Variants in XPO5 observed in about 807,000 individuals in gnomAD.
XPO5 encodes the protein exportin 5.
Under a neutral mutation model 160.6 loss-of-function variants are expected in XPO5, and 46 were observed. The ratio of observed to expected loss-of-function variants is 0.29; its 90% CI spans 0.23 to 0.37. The LOEUF is 0.37. Ranked by LOEUF, XPO5 falls within the 10% of genes least tolerant of loss-of-function variation. The probability of loss-of-function intolerance (pLI) is 1.00; values close to 1 mark genes in which losing one functional copy is unlikely to be tolerated. For synonymous variants in XPO5, 537 were observed against 519.3 expected, an observed-to-expected ratio of 1.03 and a Z score of -0.46; for missense variants, 1,090 against 1,463.9, an observed-to-expected ratio of 0.74 and a Z score of 4.17.
At chr6:43,547,387 G>C in intron 19 of XPO5, 1 of 628,310 alleles carries the variant, frequency 1.6e-6, no homozygotes, top group Non-Finnish European at 2.9e-6. Flanking sequence ...GATCCTTAAA[G>C]CCAAAATAAT....
chr6:43,539,405 G>A, intron 20 of XPO5: 3 of 1,572,656 alleles, frequency 1.9e-6, no homozygotes, highest in Non-Finnish European at 1.7e-6. Flanking sequence ...CTTGAGAGAG[G>A]CCCCCAGGAA....
At chr6:43,544,082 A>T (rs887675636) in intron 20 of XPO5, 1 of 152,658 alleles carries the variant, frequency 6.6e-6, no homozygotes, top group African/African-American at 2.4e-5. Context: ...ATGCCTTTTG[A>T]TTGATTTTTG....
Position 43,531,565 on chromosome 6 carries a change from T to C in XPO5, c.2454A>G (p.Gln818=), listed in dbSNP as rs892603665. The change falls in exon 22 of 32, where the codon CAA becomes CAG. Residue 818 remains glutamine, a synonymous_variant. Transcript: ENST00000265351. ...GAGAGTCATTGAGTTCCAAGAGAGG[T>C]TGAGGTAATCCTACAGGGAAATACG... ...AEKSAILGLP[Q]PLLELNDSPV... 15 of 1,613,512 alleles carry C rather than the reference T, an allele frequency of 9.3e-6. No homozygotes were observed. The highest frequency in any genetic ancestry group is 1.3e-5 in the African/African-American group (1 of 74,848).
chr6:43,561,099 C>A, intron 9 of XPO5, 92 bp from the exon 10 acceptor site: 1 of 1,085,008 alleles, frequency 9.2e-7, no homozygotes, highest in East Asian at 2.4e-5. Context: ...AAATTAAACC[C>A]TCAAAAAATG....
chr6:43,571,296 C>T (rs2127756760), intron 3 of XPO5, among the ~76,000 whole-genome samples: 1 of 151,958 alleles, frequency 6.6e-6, no homozygotes, highest in East Asian at 1.9e-4. Flanking sequence ...TTGCAGAAGG[C>T]CAGGGAGGAA....
At chr6:43,554,269 C>T (rs1390121296) in intron 13 of XPO5, among the ~76,000 whole-genome samples, 1 of 151,856 alleles carries the variant, frequency 6.6e-6, no homozygotes, top group Non-Finnish European at 1.5e-5. Context: ...CCATGCCCGG[C>T]TAATTTTTGT....
At chr6:43,530,165 A>G (rs1028319700) in intron 23 of XPO5, among the ~76,000 whole-genome samples, 3 of 152,130 alleles carry the variant, frequency 2.0e-5, no homozygotes, top group Admixed American at 1.3e-4. Context: ...GCTGAGGCAC[A>G]TGAATCACTT....
At chr6:43,573,416 G>A in intron 2 of XPO5, 64 bp downstream of exon 2, 7 of 1,595,490 alleles carry the variant, frequency 4.4e-6, no homozygotes, top group Non-Finnish European at 6.0e-6. Context: ...CATCTCTATA[G>A]GTTATATAAG....
intron 12 of XPO5, among the ~76,000 whole-genome samples, chr6:43,556,286 G>A (rs1266135184): frequency 1.3e-5 from 2 of 152,100 alleles, no homozygotes; most frequent in Non-Finnish European, 2.9e-5. Context: ...CACTTTAGGA[G>A]GCCAAGGTGG....
chr6:43,545,660 T>C (rs1275949781), intron 20 of XPO5, among the ~76,000 whole-genome samples: 2 of 151,952 alleles, frequency 1.3e-5, no homozygotes, highest in Non-Finnish European at 2.9e-5. Flanking sequence ...TGAGCCAAGA[T>C]TGCACCACTG....
In XPO5 at chr6:43,558,727, A is replaced by G. The variant is rs2306260; in HGVS notation, c.1222-136T>C. The G allele has an allele frequency of 1.3e-3, 812 of 622,642 alleles. 12 individuals carry two copies. In the East Asian group the frequency reaches 0.021, roughly 16 times the overall value. 38.6% of individuals were successfully genotyped at this position (622,642 alleles called of 1,614,324 possible). ...ATGAGATATTGTATGGTAAATATCC[A>G]CTTCAGTTCTATCACAGGTCCACAG... On this transcript the variant is annotated intron_variant, in intron 11 of 31. Coordinates refer to ENST00000265351, the MANE Select transcript of XPO5 (RefSeq NM_020750.3).
intron 11 of XPO5, chr6:43,559,124 C>T (rs1762268178): frequency 6.6e-6 from 1 of 152,526 alleles, no homozygotes; most frequent in Non-Finnish European, 1.5e-5. Flanking sequence ...CAGTAAAACC[C>T]TGTCTCTACT....
chr6:43,553,659 G>A, intron 13 of XPO5, 156 bp from the exon 14 acceptor site: 2 of 1,388,364 alleles, frequency 1.4e-6, no homozygotes, highest in African/African-American at 1.5e-5. Flanking sequence ...CTCTCAGCTG[G>A]GGCAAAGAAA....
intron 20 of XPO5, among the ~76,000 whole-genome samples, chr6:43,534,946 G>C (rs1343015608): frequency 6.6e-6 from 1 of 152,084 alleles, no homozygotes; most frequent in African/African-American, 2.4e-5. Context: ...GGTGAGCCGA[G>C]ATCATACCAC....
intron 15 of XPO5, 65 bp downstream of exon 15, chr6:43,551,228 AAAAAT>A: frequency 1.4e-6 from 2 of 1,434,856 alleles, no homozygotes; most frequent in Non-Finnish European, 1.8e-6. Context: ...CTGTCTCCAA[AAAAAT>A]AAAATAAATA....
intron 20 of XPO5, among the ~76,000 whole-genome samples, chr6:43,542,832 A>G (rs1794771493): frequency 6.6e-6 from 1 of 152,164 alleles, no homozygotes; most frequent in South Asian, 2.1e-4. Context: ...CAGAAAATAC[A>G]CATTTCTTAT....
rs150817974 is a variant in XPO5, at chr6:43,526,968, C to T, written c.2921-221G>A. The T allele has an allele frequency of 1.8e-3, 990 of 544,306 alleles. 9 individuals are homozygous for T. The highest frequency in any genetic ancestry group is 0.016 in the African/African-American group (877 of 53,176). The allele number at this position is 544,306 out of a possible 1,614,324, so 33.7% of individuals were successfully genotyped here. ...AGTTCAACTAGCTGAGAGAAAATTA[C>T]AGAATTCTCTGAGAGTGAGTGACTA... On this transcript the variant is annotated intron_variant, in intron 26 of 31. Transcript: ENST00000265351.
intron 1 of XPO5, 76 bp downstream of exon 1, chr6:43,575,684 G>T: frequency 7.2e-7 from 1 of 1,379,960 alleles, no homozygotes; most frequent in Non-Finnish European, 1.0e-6. Context: ...GACTACCCCA[G>T]TTACAGGCGG....
rs1372889511 is a variant in XPO5 at position 43,539,090 on chromosome 6, A to G, written c.2343-5083T>C. ...CAGCTTCTTGGGCACAGGTGCGGAGACAATGCCAGTGCCCCTGGGTGCAGG... is the reference window on the plus strand; with the variant it reads ...CAGCTTCTTGGGCACAGGTGCGGAGGCAATGCCAGTGCCCCTGGGTGCAGG... On this transcript the variant is annotated intron_variant, in intron 20 of 31. Coordinates refer to ENST00000265351, the MANE Select transcript of XPO5 (RefSeq NM_020750.3). The G allele has an allele frequency of 5.2e-6, 7 of 1,337,704 alleles. No individual in the cohort carries two copies. The African/African-American group carries it at 1.0e-4, about 19-fold the overall frequency. The allele number at this position is 1,337,704 out of a possible 1,614,324, so 82.9% of individuals were successfully genotyped here. A position where few individuals can be genotyped will look rare whatever the true frequency, so the allele number is the denominator to read the frequency against.
Sources: allele counts gnomAD v4.1 joint callset (sites outside exome capture counted in the v4.1 genomes callset), GRCh38; gene constraint gnomAD v4.1.1; transcripts MANE v1.5; gene names NCBI Gene and HGNC (gene_info 2026-07-23, HGNC 2026-07-21).